The following GRIK2 variants were observed in gnomAD, a reference collection of about 807,000 sequenced individuals.
GRIK2 encodes the protein glutamate ionotropic receptor kainate type subunit 2, also known as glutamate receptor ionotropic, kainate 2.
GRIK2 carries 32 observed loss-of-function variants against 100.3 expected under a neutral mutation model. The observed-to-expected ratio is 0.32, with a 90% CI of 0.24 to 0.43. GRIK2 has a LOEUF of 0.43. GRIK2 is among the 20% of genes least tolerant of loss of function. The pLI, the probability that GRIK2 is intolerant of heterozygous loss-of-function variation, is 1.00. For synonymous variants in GRIK2, 417 were observed against 389.4 expected (o/e 1.07, Z -0.83); for missense variants, 843 against 1,114.9 (o/e 0.76, Z 3.47).
At chr6:101,637,094 T>TA (rs1302132833) in intron 4 of GRIK2, among the ~76,000 whole-genome samples, 2 of 152,188 alleles carry the variant, frequency 1.3e-5, no homozygotes, top group African/African-American at 2.4e-5. Flanking sequence ...GTCATACTCT[T>TA]AAACTCCTTT....
intron 2 of GRIK2, among the ~76,000 whole-genome samples, chr6:101,498,475 G>C (rs1477629950): frequency 6.6e-6 from 1 of 151,130 alleles, no homozygotes; most frequent in Non-Finnish European, 1.5e-5. Context: ...CTAGTTTACA[G>C]TCCCACCAAC....
intron 14 of GRIK2, among the ~76,000 whole-genome samples, chr6:101,933,033 A>G (rs985603643): frequency 1.3e-5 from 2 of 151,950 alleles, no homozygotes; most frequent in Admixed American, 1.3e-4. Context: ...CTCTCTTCAG[A>G]CTGAATCGTT....
intron 14 of GRIK2, among the ~76,000 whole-genome samples, chr6:101,975,452 A>G (rs900649990): frequency 2.6e-5 from 4 of 151,974 alleles, no homozygotes; most frequent in Admixed American, 2.6e-4. Flanking sequence ...TATCAGGGAA[A>G]CCAAGAAAAG....
intron 2 of GRIK2, among the ~76,000 whole-genome samples, chr6:101,424,251 G>A (rs1284966779): frequency 2.0e-5 from 3 of 151,822 alleles, no homozygotes; most frequent in Non-Finnish European, 4.4e-5. Context: ...CATGTGCCAT[G>A]TTGGTGTGCT....
At position 101,686,220 on chromosome 6, in the gene GRIK2, G is replaced by A. The variant is rs147162562; in HGVS notation, c.818G>A (p.Gly273Asp). 3 of 1,612,598 alleles carry A rather than the reference G, an allele frequency of 1.9e-6. No homozygotes were observed. Among genetic ancestry groups the A allele is most frequent in the African/African-American group, 2.7e-5 (2 of 74,988 alleles). Residue 273 changes from glycine to aspartate, a missense_variant, in exon 7 of 17, where the codon GGT (glycine) becomes GAT (aspartate). Gly to Asp is a moderately conservative substitution (Grantham distance 94). Around this residue, in one of 3 missense-constraint regions of GRIK2, gnomAD observed 519 missense variants for 643.8 expected, o/e 0.81. Transcript: ENST00000369134. ...ALDVEPYRYS[G>D]VNMTGFRILN... ...GATGTTGAGCCCTACCGATACAGTG[G>A]TGTTAACATGACAGGGTTCAGAATA...
intron 7 of GRIK2, among the ~76,000 whole-genome samples, chr6:101,793,645 TC>T (rs1780062083): frequency 6.6e-6 from 1 of 152,140 alleles, no homozygotes. Flanking sequence ...GTTAGGCTGC[TC>T]GGGGGTCAGG....
intron 16 of GRIK2, among the ~76,000 whole-genome samples, chr6:102,057,374 G>C (rs1239986227): frequency 4.0e-5 from 6 of 151,766 alleles, no homozygotes; most frequent in African/African-American, 1.5e-4. Context: ...ACAAGTATCT[G>C]GTTAAAACAA....
At chr6:101,982,174 TG>T (rs1793749190) in intron 14 of GRIK2, among the ~76,000 whole-genome samples, 1 of 151,780 alleles carries the variant, frequency 6.6e-6, no homozygotes, top group Admixed American at 6.6e-5. Context: ...ATAGAATTGG[TG>T]GGTGGTCTTT....
intron 2 of GRIK2, among the ~76,000 whole-genome samples, chr6:101,507,299 G>A (rs186143265): frequency 6.6e-6 from 1 of 152,198 alleles, no homozygotes; most frequent in Non-Finnish European, 1.5e-5. Context: ...GAGCAGAAGA[G>A]TTAACTGAGT....
intron 6 of GRIK2, among the ~76,000 whole-genome samples, chr6:101,683,987 G>A (rs1299511438): frequency 6.6e-6 from 1 of 152,122 alleles, no homozygotes; most frequent in East Asian, 1.9e-4. Flanking sequence ...GCTTCTAGAA[G>A]TCTTGAAGCT....
chr6:101,930,355 TA>T (rs35652567), intron 14 of GRIK2, among the ~76,000 whole-genome samples: 200 of 7,078 alleles, frequency 0.028, 1 homozygote, highest in South Asian at 0.12. Context: ...AAAAAAAAAA[TA>T]AAATAAAATA....
intron 10 of GRIK2, among the ~76,000 whole-genome samples, chr6:101,848,894 T>G (rs1036540199): frequency 3.3e-5 from 5 of 152,052 alleles, no homozygotes; most frequent in African/African-American, 1.2e-4. Context: ...GCTGAAAATC[T>G]TCCTTTATTC....
chr6:101,474,779 T>C (rs1772143077), intron 2 of GRIK2, among the ~76,000 whole-genome samples: 1 of 151,876 alleles, frequency 6.6e-6, no homozygotes, highest in African/African-American at 2.4e-5. Context: ...GCGTACAAAT[T>C]AGATATTAGA....
intron 10 of GRIK2, among the ~76,000 whole-genome samples, chr6:101,840,143 T>G (rs2791822): frequency 0.28 from 42,971 of 152,020 alleles, 8,743 homozygotes; most frequent in East Asian, 0.68. Flanking sequence ...TCTGTTTGGT[T>G]TGACAAACAA....
chr6:101,698,355 G>C (rs906490392), intron 7 of GRIK2, among the ~76,000 whole-genome samples: 19 of 152,084 alleles, frequency 1.2e-4, no homozygotes, highest in Admixed American at 1.1e-3. Context: ...TCAGAAGAAT[G>C]TTTCAGACAA....
chr6:101,765,595 T>C (rs1013545606), intron 7 of GRIK2, among the ~76,000 whole-genome samples: 2 of 152,160 alleles, frequency 1.3e-5, no homozygotes, highest in Non-Finnish European at 2.9e-5. Flanking sequence ...CCAAAATTAA[T>C]CTGCCTAGCC....
chr6:101,760,613 TTTAA>T (rs1366353708), intron 7 of GRIK2, among the ~76,000 whole-genome samples: 1 of 93,468 alleles, frequency 1.1e-5, no homozygotes, highest in Non-Finnish European at 1.9e-5. Context: ...TATAATTATA[TTTAA>T]TTATATGTTT....
At chr6:101,532,163 A>G (rs117147408) in intron 2 of GRIK2, among the ~76,000 whole-genome samples, 2,421 of 151,924 alleles carry the variant, frequency 0.016, 36 homozygotes, top group Non-Finnish European at 0.023. Flanking sequence ...TACTGCTCCA[A>G]CTACATTCAC....
chr6:101,925,417 C>T (rs1370137745), intron 13 of GRIK2, among the ~76,000 whole-genome samples: 2 of 150,260 alleles, frequency 1.3e-5, no homozygotes, highest in African/African-American at 4.9e-5. Flanking sequence ...ATTTTAGTCT[C>T]AGTTTTTTTC....
Sources: allele counts gnomAD v4.1 joint callset (sites outside exome capture counted in the v4.1 genomes callset), GRCh38; gene constraint gnomAD v4.1.1; regional missense constraint gnomAD v4.1.1; transcripts MANE v1.5; gene names NCBI Gene and HGNC (gene_info 2026-07-23, HGNC 2026-07-21).